HSD17B12: variants seen among roughly 807,000 people sequenced by gnomAD.
The protein encoded by HSD17B12 is very-long-chain 3-oxoacyl-CoA reductase.
A neutral mutation model predicts 39.3 loss-of-function variants in HSD17B12; 32 were observed. The observed-to-expected ratio is 0.81, with a 90% CI of 0.61 to 1.09. The LOEUF (loss-of-function observed/expected upper bound fraction) is 1.09, where lower values mean the gene tolerates loss of function less well. Ranked by LOEUF, HSD17B12 falls within the 50% of genes least tolerant of loss-of-function variation. HSD17B12 has a pLI of 0.00. For missense variants in HSD17B12, 342 were observed against 382.9 expected (o/e 0.89, Z 0.89); for synonymous variants, 150 against 146.7 (o/e 1.02, Z -0.16).
At chr11:43,784,301 ATATTATTATTATTATTATTAT>A (rs36168037) in intron 3 of HSD17B12, among the ~76,000 whole-genome samples, 19 of 143,116 alleles carry the variant, frequency 1.3e-4, no homozygotes, top group African/African-American at 2.0e-4. Context: ...TCAGGGATTG[ATATTATTATTATTATTATTAT>A]TATTATTATT....
chr11:43,585,465 A>G, the HSD17B12 span, among the ~76,000 whole-genome samples: 1 of 152,236 alleles, frequency 6.6e-6, no homozygotes, highest in African/African-American at 2.4e-5. Context: ...CTCGAGGCTT[A>G]TGGCAGAATA....
chr11:43,742,139 A>ATTTTTTTT (rs34321708), intron 1 of HSD17B12, among the ~76,000 whole-genome samples: 23 of 123,510 alleles, frequency 1.9e-4, no homozygotes, highest in African/African-American at 6.7e-4. Flanking sequence ...ATATATATAT[A>ATTTTTTTT]TTTTTTTTTT....
At chr11:43,699,691 G>A (rs1949945333) in intron 1 of HSD17B12, among the ~76,000 whole-genome samples, 1 of 151,994 alleles carries the variant, frequency 6.6e-6, no homozygotes, top group African/African-American at 2.4e-5. Flanking sequence ...CAGATGTTGA[G>A]ACACATTCAA....
At chr11:43,636,045 G>A in the HSD17B12 span, among the ~76,000 whole-genome samples, 4 of 152,122 alleles carry the variant, frequency 2.6e-5, no homozygotes, top group East Asian at 7.7e-4. Context: ...CTGTACACAG[G>A]TACATGCCCA....
intron 1 of HSD17B12, among the ~76,000 whole-genome samples, chr11:43,700,380 A>G (rs11037570): frequency 8.0e-4 from 122 of 152,262 alleles, no homozygotes; most frequent in Non-Finnish European, 1.6e-3. Context: ...TGTACAATTA[A>G]GTTATTATTG....
chr11:43,774,033 A>G (rs1229599270), intron 3 of HSD17B12, among the ~76,000 whole-genome samples: 1 of 152,188 alleles, frequency 6.6e-6, no homozygotes, highest in Non-Finnish European at 1.5e-5. Context: ...ATGCTTATAG[A>G]AACCAGGCTG....
At chr11:43,601,126 C>T in the HSD17B12 span, among the ~76,000 whole-genome samples, 1 of 151,294 alleles carries the variant, frequency 6.6e-6, no homozygotes. Flanking sequence ...TAATGACATT[C>T]TGGCATCCAT....
intron 1 of HSD17B12, among the ~76,000 whole-genome samples, chr11:43,708,995 A>G (rs1383443486): frequency 6.6e-6 from 1 of 152,236 alleles, no homozygotes; most frequent in African/African-American, 2.4e-5. Context: ...GAGAAAACAC[A>G]GGGCAGTGAA....
chr11:43,742,023 C>T (rs950088071), intron 1 of HSD17B12, among the ~76,000 whole-genome samples: 8 of 149,258 alleles, frequency 5.4e-5, no homozygotes, highest in East Asian at 2.0e-4. Context: ...CGTGAGCCAC[C>T]GCGCCCGGCA....
At chr11:43,654,769 A>G in the HSD17B12 span, among the ~76,000 whole-genome samples, 3 of 152,178 alleles carry the variant, frequency 2.0e-5, no homozygotes, top group African/African-American at 7.2e-5. Context: ...CTGTTTTGGT[A>G]CCAGTACCAT....
intron 1 of HSD17B12, chr11:43,719,092 A>G (rs149475148): frequency 3.8e-5 from 29 of 770,100 alleles, no homozygotes; most frequent in Non-Finnish European, 6.4e-5. Context: ...CATATGTTCA[A>G]CTGGCTCCTG....
intron 4 of HSD17B12, among the ~76,000 whole-genome samples, chr11:43,801,721 G>A (rs189846406): frequency 2.0e-5 from 3 of 151,940 alleles, no homozygotes; most frequent in African/African-American, 7.2e-5. Context: ...TCATCTATGA[G>A]TAGTAATTGC....
intron 6 of HSD17B12, among the ~76,000 whole-genome samples, chr11:43,821,542 T>A (rs1263827273): frequency 6.6e-6 from 1 of 152,184 alleles, no homozygotes; most frequent in African/African-American, 2.4e-5. Context: ...CAATTGAACC[T>A]CAAGACATTG....
chr11:43,577,136 G>A, the HSD17B12 span, among the ~76,000 whole-genome samples: 1 of 152,228 alleles, frequency 6.6e-6, no homozygotes, highest in Non-Finnish European at 1.5e-5. Flanking sequence ...GGTTCGGGCT[G>A]GCCCAAGACT....
At chr11:43,691,853 A>G (rs1343041346) in intron 1 of HSD17B12, among the ~76,000 whole-genome samples, 1 of 152,082 alleles carries the variant, frequency 6.6e-6, no homozygotes, top group African/African-American at 2.4e-5. Flanking sequence ...GTGCAGAGGC[A>G]TTTAGTAGGT....
chr11:43,742,138 TA>T lies in HSD17B12; in HGVS notation c.161-8772del, dbSNP rs56926699. Reference sequence around the variant, plus strand: ...ATATATATATATATATATATATATATATTTTTTTTTTTAAATTGAGACAGGA... The same window carrying T: ...ATATATATATATATATATATATATATTTTTTTTTTTTAAATTGAGACAGGA... On this transcript the variant is annotated intron_variant, in intron 1 of 10. Coordinates refer to ENST00000278353, the MANE Select transcript of HSD17B12 (RefSeq NM_016142.3). Among the ~76,000 whole-genome samples the T allele has an allele frequency of 9.0e-3, 912 of 100,982 alleles. 14 individuals carry two copies. Among genetic ancestry groups the T allele is most frequent in the African/African-American group, 0.032 (788 of 24,504 alleles). 66.2% of individuals were successfully genotyped at this position (100,982 alleles called of 152,430 possible).
chr11:43,690,398 ATATATATT>A (rs1373807726), intron 1 of HSD17B12, among the ~76,000 whole-genome samples: 1 of 27,476 alleles, frequency 3.6e-5, no homozygotes, highest in Non-Finnish European at 5.7e-5. Flanking sequence ...ATATATATAT[ATATATATT>A]TTTTTTTTTT....
the HSD17B12 span, chr11:43,646,407 T>C: frequency 6.6e-6 from 1 of 152,264 alleles, no homozygotes; most frequent in Non-Finnish European, 1.5e-5. Flanking sequence ...TATTTGTTAC[T>C]GTTTGGTGAT....
intron 1 of HSD17B12, among the ~76,000 whole-genome samples, chr11:43,744,034 T>TA (rs1202025675): frequency 6.6e-6 from 1 of 152,124 alleles, no homozygotes; most frequent in East Asian, 1.9e-4. Flanking sequence ...GTAGCAAAAT[T>TA]GACAACCTAC....
Sources: allele counts gnomAD v4.1 joint callset (sites outside exome capture counted in the v4.1 genomes callset), GRCh38; gene constraint gnomAD v4.1.1; transcripts MANE v1.5; gene names NCBI Gene and HGNC (gene_info 2026-07-23, HGNC 2026-07-21).